The following MGAT4C variants were observed in gnomAD, a reference collection of about 807,000 sequenced individuals.
MGAT4C encodes the protein alpha-1,3-mannosyl-glycoprotein 4-beta-N-acetylglucosaminyltransferase C.
In MGAT4C, 19 loss-of-function variants were observed where a neutral mutation model predicts 40.1. The ratio of observed to expected loss-of-function variants is 0.47; its 90% confidence interval spans 0.33 to 0.70. The LOEUF (loss-of-function observed/expected upper bound fraction) is 0.70. Among genes scored for constraint, MGAT4C ranks in the 30% least tolerant of loss-of-function variants. The probability of loss-of-function intolerance (pLI) is 0.02; values close to 1 mark genes in which losing one functional copy is unlikely to be tolerated. For missense variants in MGAT4C, 491 were observed against 563.2 expected, an observed-to-expected ratio of 0.87 and a Z score of 1.30; for synonymous variants, 181 against 187.1, an observed-to-expected ratio of 0.97 and a Z score of 0.27.
chr12:86,168,921 A>G (rs1886490313), intron 1 of MGAT4C, among the ~76,000 whole-genome samples: 1 of 152,096 alleles, frequency 6.6e-6, no homozygotes. Flanking sequence ...AATCTTATGA[A>G]ATCTAAGTAG....
chr12:86,806,480 T>C (rs1380367611), intron 1 of MGAT4C, among the ~76,000 whole-genome samples: 1 of 151,738 alleles, frequency 6.6e-6, no homozygotes, highest in Non-Finnish European at 1.5e-5. Flanking sequence ...GTTTATGTAG[T>C]TCTATATAAC....
chr12:86,464,313 A>G (rs75739846), intron 2 of MGAT4C, among the ~76,000 whole-genome samples: 1,699 of 152,322 alleles, frequency 0.011, 19 homozygotes, highest in East Asian at 0.045. Context: ...TACTTAAAAC[A>G]TTAAAGAATC....
intron 2 of MGAT4C, among the ~76,000 whole-genome samples, chr12:86,674,099 A>G (rs1444651664): frequency 6.6e-6 from 1 of 152,120 alleles, no homozygotes; most frequent in Non-Finnish European, 1.5e-5. Flanking sequence ...TTAAACAACC[A>G]CAAAACCAAA....
intron 2 of MGAT4C, among the ~76,000 whole-genome samples, chr12:86,627,279 A>G (rs1457360015): frequency 1.3e-5 from 2 of 152,112 alleles, no homozygotes; most frequent in Non-Finnish European, 2.9e-5. Flanking sequence ...TGTAGACTCC[A>G]CCTCTGGGGG....
chr12:86,506,303 T>C (rs1267035236), intron 2 of MGAT4C, among the ~76,000 whole-genome samples: 3 of 152,150 alleles, frequency 2.0e-5, no homozygotes, highest in African/African-American at 7.2e-5. Flanking sequence ...TTCAAAATAA[T>C]AGGTAAATGA....
chr12:86,352,577 T>C (rs1208098273), intron 3 of MGAT4C, among the ~76,000 whole-genome samples: 1 of 152,126 alleles, frequency 6.6e-6, no homozygotes, highest in Non-Finnish European at 1.5e-5. Flanking sequence ...ACTTCCTTAT[T>C]CCCTTTTATG....
chr12:86,645,004 A>G (rs866112210), intron 2 of MGAT4C, among the ~76,000 whole-genome samples: 1 of 151,730 alleles, frequency 6.6e-6, no homozygotes, highest in Non-Finnish European at 1.5e-5. Flanking sequence ...TTGTGCTTCC[A>G]TGCAAATGTT....
rs71076172 is a variant in MGAT4C at position 86,212,891 on chromosome 12, CAAAAAAAAAAAAAA to C, written c.-57+43334_-57+43347del. Among the ~76,000 whole-genome samples the C allele has an allele frequency of 8.9e-4, 20 of 22,516 alleles. 2 individuals carry two copies. The Admixed American group carries it at 0.017, about 19-fold the overall frequency. The allele number at this position is 22,516 out of a possible 152,430, so 14.8% of individuals were successfully genotyped here. ...TGGGCGACAGAGCGAGACTCCGTCT[CAAAAAAAAAAAAAA>C]AAAAAAAAAAAAAAAAGAACACTCA... is the stretch of plus-strand genomic sequence containing the variant. On this transcript the variant is annotated intron_variant, in intron 1 of 4. Transcript: ENST00000611864.
intron 1 of MGAT4C, among the ~76,000 whole-genome samples, chr12:86,134,330 ATTCAC>A (rs1566031032): frequency 6.6e-6 from 1 of 152,090 alleles, no homozygotes; most frequent in Non-Finnish European, 1.5e-5. Context: ...TACTATCTAT[ATTCAC>A]TTCAAAATTT....
intron 1 of MGAT4C, among the ~76,000 whole-genome samples, chr12:86,832,155 T>A (rs2136237064): frequency 6.6e-6 from 1 of 151,892 alleles, no homozygotes; most frequent in East Asian, 1.9e-4. Context: ...CACAACATCA[T>A]ATACTTCTTC....
chr12:86,308,244 T>C (rs1269828970), intron 4 of MGAT4C, among the ~76,000 whole-genome samples: 1 of 150,742 alleles, frequency 6.6e-6, no homozygotes, highest in East Asian at 1.9e-4. Context: ...TTTGATGCAT[T>C]TATTGAATAT....
chr12:86,811,505 C>A (rs755062779), intron 1 of MGAT4C, among the ~76,000 whole-genome samples: 16 of 150,830 alleles, frequency 1.1e-4, no homozygotes, highest in Non-Finnish European at 1.3e-4. Context: ...CCACGCCCAG[C>A]AAATTTTTGT....
At chr12:86,286,956 T>A (rs1953367323) in intron 4 of MGAT4C, among the ~76,000 whole-genome samples, 1 of 152,192 alleles carries the variant, frequency 6.6e-6, no homozygotes, top group Admixed American at 6.5e-5. Flanking sequence ...CCATGATTTA[T>A]AAGTAATATA....
At chr12:86,619,141 A>T (rs898154895) in intron 2 of MGAT4C, among the ~76,000 whole-genome samples, 2 of 152,122 alleles carry the variant, frequency 1.3e-5, no homozygotes, top group Non-Finnish European at 2.9e-5. Context: ...TCATATAAGG[A>T]ACTTGAACAT....
At chr12:86,222,989 G>C (rs1238640615) in intron 1 of MGAT4C, among the ~76,000 whole-genome samples, 1 of 152,138 alleles carries the variant, frequency 6.6e-6, no homozygotes, top group Non-Finnish European at 1.5e-5. Flanking sequence ...GGGCTTCAAG[G>C]CTAACAGAGG....
rs370589507 is a variant in MGAT4C at position 85,995,283 on chromosome 12, G to T, written c.-6-5731C>A. On this transcript the variant is annotated intron_variant, in intron 2 of 4. Coordinates refer to ENST00000611864, the MANE Select transcript of MGAT4C (RefSeq NM_001351288.2). ...AATTAGGAGACAGAAATAATAATTT[G>T]GGGGAGATAAAGGTACCTAGAATTT... Among the ~76,000 whole-genome samples the T allele has an allele frequency of 3.3e-5, 5 of 152,244 alleles. 1 individual carries two copies. The highest frequency in any genetic ancestry group is 7.2e-5 in the African/African-American group (3 of 41,530).
intron 1 of MGAT4C, among the ~76,000 whole-genome samples, chr12:86,243,282 T>G (rs1239318392): frequency 6.6e-6 from 1 of 152,200 alleles, no homozygotes; most frequent in African/African-American, 2.4e-5. Flanking sequence ...CTTAGGGAAA[T>G]TAATAAAATA....
chr12:86,264,281 T>C (rs1173582350), intron 4 of MGAT4C, among the ~76,000 whole-genome samples: 1 of 152,246 alleles, frequency 6.6e-6, no homozygotes, highest in East Asian at 1.9e-4. Flanking sequence ...TTCCTAGGTT[T>C]CCTTCTAGTA....
intron 2 of MGAT4C, among the ~76,000 whole-genome samples, chr12:86,452,765 G>A (rs1957447587): frequency 6.6e-6 from 1 of 152,070 alleles, no homozygotes; most frequent in Admixed American, 6.6e-5. Context: ...GTACTGCTTA[G>A]TAACTTTGAC....
Sources: allele counts gnomAD v4.1 joint callset (sites outside exome capture counted in the v4.1 genomes callset), GRCh38; gene constraint gnomAD v4.1.1; transcripts MANE v1.5; gene names NCBI Gene and HGNC (gene_info 2026-07-23, HGNC 2026-07-21).